Variants in UVRAG observed in about 807,000 individuals in gnomAD.
UVRAG encodes UV radiation resistance associated, also known as UV radiation resistance-associated gene protein.
UVRAG carries 19 observed loss-of-function variants against 78.0 expected under a neutral mutation model. That is an observed-to-expected ratio of 0.24 (90% CI 0.17 to 0.36). The LOEUF (loss-of-function observed/expected upper bound fraction) is 0.36, where lower values mean the gene tolerates loss of function less well. Among genes scored for constraint, UVRAG ranks in the 10% least tolerant of loss-of-function variants. UVRAG has a pLI of 1.00. For missense variants in UVRAG, 740 were observed against 853.8 expected, an observed-to-expected ratio of 0.87 and a Z score of 1.66; for synonymous variants, 323 against 324.6, an observed-to-expected ratio of 1.00 and a Z score of 0.05.
intron 6 of UVRAG, among the ~76,000 whole-genome samples, chr11:75,940,412 A>G (rs908201270): frequency 1.3e-5 from 2 of 152,190 alleles, no homozygotes; most frequent in African/African-American, 4.8e-5. Context: ...GATTTACTAT[A>G]CTATCACATT....
chr11:75,982,503 G>A (rs546992702), intron 7 of UVRAG, among the ~76,000 whole-genome samples: 1 of 152,302 alleles, frequency 6.6e-6, no homozygotes, highest in Admixed American at 6.5e-5. Context: ...CTGCATTGGG[G>A]GTGGGAGAGG....
chr11:75,856,028 C>T (rs1446604007), intron 2 of UVRAG, among the ~76,000 whole-genome samples: 3 of 152,112 alleles, frequency 2.0e-5, no homozygotes, highest in South Asian at 4.1e-4. Flanking sequence ...CTCACTCTGT[C>T]GCCCAGGCTG....
intron 1 of UVRAG, among the ~76,000 whole-genome samples, chr11:75,838,784 G>T (rs2135836576): frequency 6.6e-6 from 1 of 152,326 alleles, no homozygotes; most frequent in East Asian, 1.9e-4. Flanking sequence ...GTATTGAGAG[G>T]TAGGGTCTTT....
intron 12 of UVRAG, among the ~76,000 whole-genome samples, chr11:76,062,308 A>G (rs1204465974): frequency 6.6e-6 from 1 of 152,206 alleles, no homozygotes; most frequent in African/African-American, 2.4e-5. Context: ...GAATATGGAC[A>G]TATCTTTTTG....
intron 6 of UVRAG, among the ~76,000 whole-genome samples, chr11:75,934,264 C>T: frequency 6.6e-6 from 1 of 152,098 alleles, no homozygotes; most frequent in East Asian, 1.9e-4. Context: ...CACATGTTCT[C>T]ACTTATTTGT....
rs936335725 is a variant in UVRAG, at chr11:75,928,359, A to G, written c.593+16320A>G. Among the ~76,000 whole-genome samples the G allele has an allele frequency of 2.0e-5, 3 of 152,216 alleles. No homozygotes were observed. In the East Asian group the frequency reaches 5.8e-4, roughly 29 times the overall value. On this transcript the variant is annotated intron_variant, in intron 6 of 14. Coordinates refer to ENST00000356136, the MANE Select transcript of UVRAG (RefSeq NM_003369.4). ...AGGCATTCCAACATTTAAGAAGAGG[A>G]TGATAGAACAGAGGAGAAGGACGGC...
intron 3 of UVRAG, among the ~76,000 whole-genome samples, chr11:75,877,955 G>A (rs1459955503): frequency 5.3e-5 from 8 of 150,018 alleles, no homozygotes; most frequent in African/African-American, 2.0e-4. Flanking sequence ...CTGGCCTGGT[G>A]GGGGCTGACC....
intron 1 of UVRAG, among the ~76,000 whole-genome samples, chr11:75,818,589 C>T (rs1945317258): frequency 6.6e-6 from 1 of 151,836 alleles, no homozygotes; most frequent in Non-Finnish European, 1.5e-5. Context: ...AGCGATTCTC[C>T]TGCCTCACCC....
chr11:76,068,416 G>C (rs183434821), intron 13 of UVRAG, among the ~76,000 whole-genome samples: 95 of 152,266 alleles, frequency 6.2e-4, no homozygotes, highest in Non-Finnish European at 1.0e-3. Context: ...CTTTATATAT[G>C]CTCTTTGAAA....
At chr11:75,848,496 C>T (rs1321424129) in intron 1 of UVRAG, among the ~76,000 whole-genome samples, 2 of 152,180 alleles carry the variant, frequency 1.3e-5, no homozygotes, top group East Asian at 3.9e-4. Flanking sequence ...AGTTTAGAAT[C>T]AGAAGGTATC....
intron 12 of UVRAG, among the ~76,000 whole-genome samples, chr11:76,036,110 A>G (rs1242756505): frequency 6.6e-6 from 1 of 152,244 alleles, no homozygotes; most frequent in East Asian, 1.9e-4. Flanking sequence ...CTTAAAATTT[A>G]CTTTGCTCAG....
chr11:75,974,532 A>T (rs1185076896), intron 7 of UVRAG, among the ~76,000 whole-genome samples: 1 of 150,688 alleles, frequency 6.6e-6, no homozygotes, highest in Non-Finnish European at 1.5e-5. Flanking sequence ...GCGCCCGGCT[A>T]ATTTTTTGTA....
intron 13 of UVRAG, among the ~76,000 whole-genome samples, chr11:76,105,991 G>T (rs891630033): frequency 3.3e-5 from 5 of 152,076 alleles, no homozygotes; most frequent in African/African-American, 1.2e-4. Context: ...TCCACTCCTA[G>T]GTATTGGTCC....
chr11:75,843,796 A>G (rs1408606758), intron 1 of UVRAG, among the ~76,000 whole-genome samples: 1 of 151,978 alleles, frequency 6.6e-6, no homozygotes, highest in Non-Finnish European at 1.5e-5. Flanking sequence ...CCGTCTATAC[A>G]AAAGATACAA....
At chr11:75,837,401 C>T (rs925739545) in intron 1 of UVRAG, 2 of 151,838 alleles carry the variant, frequency 1.3e-5, no homozygotes, top group East Asian at 3.9e-4. Flanking sequence ...GCATATAACC[C>T]ATGCAACATC....
intron 1 of UVRAG, among the ~76,000 whole-genome samples, chr11:75,846,130 GC>G (rs1432046490): frequency 1.3e-5 from 2 of 152,188 alleles, no homozygotes; most frequent in Non-Finnish European, 2.9e-5. Flanking sequence ...AAAGATCAAA[GC>G]ATTGATATTT....
At chr11:76,003,294 C>CA in intron 8 of UVRAG, among the ~76,000 whole-genome samples, 1 of 94,662 alleles carries the variant, frequency 1.1e-5, no homozygotes, top group Non-Finnish European at 1.8e-5. Flanking sequence ...TTTTTGGAGA[C>CA]AGAGTCTCGT....
chr11:76,043,086 A>G (rs890161848), intron 12 of UVRAG, among the ~76,000 whole-genome samples: 5 of 152,224 alleles, frequency 3.3e-5, no homozygotes, highest in African/African-American at 1.2e-4. Context: ...TGAATTGGTA[A>G]ACAAAGAAGG....
chr11:75,886,293 A>G (rs193081143), intron 4 of UVRAG, among the ~76,000 whole-genome samples: 1 of 152,138 alleles, frequency 6.6e-6, no homozygotes, highest in African/African-American at 2.4e-5. Flanking sequence ...ATACTCTCCC[A>G]TCCCTTTCTT....
Sources: gnomAD v4.1 joint callset for allele counts (sites outside exome capture counted in the v4.1 genomes callset) on GRCh38, gnomAD v4.1.1 for gene constraint, MANE v1.5 for transcripts, NCBI Gene and HGNC (gene_info 2026-07-23, HGNC 2026-07-21) for gene names.